The following RAB5A variants were observed in gnomAD, a reference collection of about 807,000 sequenced individuals.
RAB5A encodes the protein RAB5A, member RAS oncogene family.
Under a neutral mutation model 25.7 loss-of-function variants are expected in RAB5A, and 8 were observed. The ratio of observed to expected loss-of-function variants is 0.31; its 90% CI spans 0.18 to 0.56. The LOEUF is 0.56. Among genes scored for constraint, RAB5A ranks in the 20% least tolerant of loss-of-function variants. The probability of loss-of-function intolerance (pLI) is 0.91; values close to 1 mark genes in which losing one functional copy is unlikely to be tolerated. For synonymous variants in RAB5A, 98 were observed against 89.8 expected (o/e 1.09, Z -0.52); for missense variants, 192 against 259.7 (o/e 0.74, Z 1.79).
chr3:19,948,861 G>C (rs1276100030), intron 1 of RAB5A, among the ~76,000 whole-genome samples: 1 of 151,976 alleles, frequency 6.6e-6, no homozygotes, highest in Admixed American at 6.6e-5. Flanking sequence ...AAAGACAAAT[G>C]GAAAATGTTT....
At chr3:19,973,020 A>G (rs62241299) in intron 2 of RAB5A, among the ~76,000 whole-genome samples, 21,350 of 152,250 alleles carry the variant, frequency 0.14, 1,839 homozygotes, top group Non-Finnish European at 0.2. Flanking sequence ...ACTTAATACT[A>G]TGTTGAATCT....
chr3:19,958,904 A>G (rs1696543893), intron 2 of RAB5A, among the ~76,000 whole-genome samples: 1 of 152,182 alleles, frequency 6.6e-6, no homozygotes, highest in Non-Finnish European at 1.5e-5. Flanking sequence ...GCACCACTGC[A>G]CTTCAACCTG....
intron 5 of RAB5A, 32 bp from the exon 6 acceptor site, chr3:19,983,676 A>C: frequency 2.8e-6 from 4 of 1,424,988 alleles, no homozygotes; most frequent in Non-Finnish European, 3.9e-6. Flanking sequence ...TGAGTATTCA[A>C]ATATTCTATT....
intron 2 of RAB5A, among the ~76,000 whole-genome samples, chr3:19,956,370 T>G (rs943443819): frequency 6.6e-6 from 1 of 151,786 alleles, no homozygotes; most frequent in Non-Finnish European, 1.5e-5. Flanking sequence ...AGGAGAAACA[T>G]TTGAACCCAG....
At chr3:19,948,108 C>T (rs1696357379) in intron 1 of RAB5A, among the ~76,000 whole-genome samples, 1 of 152,110 alleles carries the variant, frequency 6.6e-6, no homozygotes, top group African/African-American at 2.4e-5. Flanking sequence ...TAGTGAACTA[C>T]AGCGTTAAAT....
intron 2 of RAB5A, among the ~76,000 whole-genome samples, chr3:19,971,197 C>CAAAAA (rs757289443): frequency 1.9e-4 from 14 of 74,734 alleles, no homozygotes; most frequent in African/African-American, 4.2e-4. Context: ...AACTCCATCT[C>CAAAAA]AAAAAAAAAA....
chr3:19,975,912 T>A lies in RAB5A; in HGVS notation c.316-135T>A. 3.7e-6 allele frequency: 5 copies of A among 1,353,314 alleles called. No individual in the cohort carries two copies. In the South Asian group the frequency reaches 7.6e-5, roughly 21 times the overall value. The allele number at this position is 1,353,314 out of a possible 1,614,324, so 83.8% of individuals were successfully genotyped here. A position where few individuals can be genotyped will look rare whatever the true frequency, so the allele number is the denominator to read the frequency against. On this transcript the variant is annotated intron_variant, in intron 3 of 5. Coordinates refer to ENST00000273047, the MANE Select transcript of RAB5A (RefSeq NM_004162.5). ...ATCTGGTTTTAAAAAAAAACGAAAATGTCTCATAATACAATAGTCCTAATA... is the reference window on the plus strand; with the variant it reads ...ATCTGGTTTTAAAAAAAAACGAAAAAGTCTCATAATACAATAGTCCTAATA...
intron 2 of RAB5A, among the ~76,000 whole-genome samples, chr3:19,960,217 G>A (rs1347914634): frequency 6.6e-6 from 1 of 152,152 alleles, no homozygotes; most frequent in Admixed American, 6.5e-5. Context: ...AGTATCATTT[G>A]GAGTTACATC....
chr3:19,948,980 A>G (rs775785303), intron 1 of RAB5A, among the ~76,000 whole-genome samples: 7 of 152,198 alleles, frequency 4.6e-5, no homozygotes, highest in East Asian at 1.9e-4. Context: ...GGCAATTTCA[A>G]TCCCTACTAT....
At position 19,984,286 on chromosome 3, in the gene RAB5A, T is replaced by A. The variant is rs200703696; in HGVS notation, c.*463T>A. On this transcript the variant is annotated 3_prime_UTR_variant, in exon 6 of 6. Transcript: ENST00000273047. ...CATAGTATTCAGGCAAATGTTCATT[T>A]CTCCTGGTACCTGTATTTAAAATGT... The A allele has an allele frequency of 1.0e-4, 45 of 431,354 alleles. No homozygotes were observed. Among genetic ancestry groups the A allele is most frequent in the Non-Finnish European group, 2.0e-4 (43 of 220,136 alleles). 26.7% of individuals were successfully genotyped at this position (431,354 alleles called of 1,614,324 possible). A position where few individuals can be genotyped will look rare whatever the true frequency, so the allele number is the denominator to read the frequency against.
chr3:19,973,187 A>T (rs1696776394), intron 2 of RAB5A, among the ~76,000 whole-genome samples: 1 of 152,086 alleles, frequency 6.6e-6, no homozygotes, highest in Non-Finnish European at 1.5e-5. Context: ...TCCATTGGGG[A>T]TTCTAGAACC....
At position 19,976,719 on chromosome 3, in the gene RAB5A, T is replaced by A. The variant is rs1218596236; in HGVS notation, c.438+550T>A. ...AAAGAAAAACAGTAAAAGTAGTCATTGTTCACAGTGCAGAAAGTGATTGTA... is the reference window on the plus strand; with the variant it reads ...AAAGAAAAACAGTAAAAGTAGTCATAGTTCACAGTGCAGAAAGTGATTGTA... On this transcript the variant is annotated intron_variant, in intron 4 of 5. Coordinates refer to ENST00000273047, the MANE Select transcript of RAB5A (RefSeq NM_004162.5). 4.6e-5 allele frequency among the ~76,000 whole-genome samples: 7 copies of A among 152,208 alleles called. 1 individual carries two copies. The East Asian group carries it at 1.4e-3, about 29-fold the overall frequency.
Position 19,984,820 on chromosome 3 carries a change from T to C in RAB5A, c.*997T>C, listed in dbSNP as rs1458726883. The stretch of plus-strand genomic sequence containing the variant: ...TACTGTTACTAAAACAGCTAATTAT[T>C]TCTCTCTCCCCCTTTGACAGGAAGG... On this transcript the variant is annotated 3_prime_UTR_variant, in exon 6 of 6. Coordinates refer to ENST00000273047, the MANE Select transcript of RAB5A (RefSeq NM_004162.5). 6.5e-6 allele frequency: 1 copy of C among 153,068 alleles called. No individual in the cohort carries two copies. Among genetic ancestry groups the C allele is most frequent in the Non-Finnish European group, 1.5e-5 (1 of 68,416 alleles). 9.5% of individuals were successfully genotyped at this position (153,068 alleles called of 1,614,324 possible).
chr3:19,960,337 CTG>C (rs1372599653), intron 2 of RAB5A, among the ~76,000 whole-genome samples: 1 of 152,088 alleles, frequency 6.6e-6, no homozygotes, highest in Non-Finnish European at 1.5e-5. Context: ...GGGTCTCGCT[CTG>C]TGCTAGACTG....
intron 2 of RAB5A, among the ~76,000 whole-genome samples, chr3:19,958,705 G>A (rs780813527): frequency 1.5e-4 from 23 of 152,164 alleles, no homozygotes; most frequent in Non-Finnish European, 2.9e-4. Context: ...CTAGTGGGGC[G>A]TGGTGTCATG....
chr3:19,976,274 G>GA, intron 4 of RAB5A, 105 bp downstream of exon 4: 2 of 1,248,362 alleles, frequency 1.6e-6, no homozygotes, highest in South Asian at 1.7e-5. Context: ...GCAAGTAATA[G>GA]AAAATACTGA....
intron 1 of RAB5A, among the ~76,000 whole-genome samples, chr3:19,950,280 C>T (rs1460102607): frequency 6.6e-6 from 1 of 152,128 alleles, no homozygotes; most frequent in Non-Finnish European, 1.5e-5. Flanking sequence ...AAAAATGCAT[C>T]GTTTAACAGA....
chr3:19,977,667 G>A lies in RAB5A; in HGVS notation c.439-643G>A, dbSNP rs193097845. On this transcript the variant is annotated intron_variant, in intron 4 of 5. Transcript: ENST00000273047. ...AACACTTAAATTACAGTCAGAAGTG[G>A]CCCTGTCACATAACAGTTCAGAGGA... is the stretch of plus-strand genomic sequence containing the variant. Among the ~76,000 whole-genome samples, 423 of 152,248 alleles carry A rather than the reference G, an allele frequency of 2.8e-3. 4 individuals carry two copies. Among genetic ancestry groups the A allele is most frequent in the Non-Finnish European group, 1.4e-3 (95 of 68,008 alleles).
rs765282057 is a variant in RAB5A at position 19,950,917 on chromosome 3, A to C, written c.19A>C (p.Thr7Pro). The C allele has an allele frequency of 6.2e-7, 1 of 1,612,792 alleles. No individual in the cohort carries two copies. Among genetic ancestry groups the C allele is most frequent in the African/African-American group, 1.3e-5 (1 of 74,924 alleles). ...TTTGGACATGGCTAGTCGAGGCGCA[A>C]CAAGACCCAACGGGCCAAATACGGG... MASRGATRPNGPNTGNK... is the reference protein window; with the variant it reads MASRGAPRPNGPNTGNK... Residue 7 changes from threonine (T) to proline (P), a missense_variant, in exon 2 of 6, where the codon ACA (threonine) becomes CCA (proline). This residue lies in a region of RAB5A where 32 missense variants were observed against 32.4 expected (regional missense o/e 0.99). Transcript: ENST00000273047.
Sources: allele counts gnomAD v4.1 joint callset (sites outside exome capture counted in the v4.1 genomes callset), GRCh38; gene constraint gnomAD v4.1.1; regional missense constraint gnomAD v4.1.1; transcripts MANE v1.5; gene names NCBI Gene and HGNC (gene_info 2026-07-23, HGNC 2026-07-21).